Variants in CCDC152 observed in about 807,000 individuals in gnomAD.
CCDC152 encodes coiled-coil domain containing 152.
CCDC152 carries 37 observed loss-of-function variants against 38.1 expected under a neutral mutation model. The ratio of observed to expected loss-of-function variants is 0.97; its 90% CI spans 0.75 to 1.28. The LOEUF is 1.28. Ranked by LOEUF, CCDC152 falls within the 50% of genes most tolerant of loss-of-function variation. CCDC152 has a pLI of 0.00. For synonymous variants in CCDC152, 83 were observed against 87.1 expected (o/e 0.95, Z 0.26); for missense variants, 259 against 292.1 (o/e 0.89, Z 0.83).
rs187897361 is a variant in CCDC152 at position 42,767,386 on chromosome 5, G to T, written c.194-2211G>T. Among the ~76,000 whole-genome samples, 271 of 152,138 alleles carry T rather than the reference G, an allele frequency of 1.8e-3. 4 individuals are homozygous for T. Among genetic ancestry groups the T allele is most frequent in the African/African-American group, 6.2e-3 (258 of 41,496 alleles). Reference sequence around the variant, plus strand: ...ATTGCTTTTAATATTTGCAACTATTGTATGAAATACATATTAATATTCATA... The same window carrying T: ...ATTGCTTTTAATATTTGCAACTATTTTATGAAATACATATTAATATTCATA... On this transcript the variant is annotated intron_variant, in intron 3 of 8. Transcript: ENST00000361970.
chr5:42,769,559 CA>C, intron 3 of CCDC152, 37 bp from the exon 4 acceptor site: 1 of 1,425,824 alleles, frequency 7.0e-7, no homozygotes, highest in Non-Finnish European at 9.2e-7. Flanking sequence ...AAAATGAAAG[CA>C]AGGGATTTTA....
At chr5:42,794,268 A>C (rs1425543200) in intron 6 of CCDC152, among the ~76,000 whole-genome samples, 1 of 152,226 alleles carries the variant, frequency 6.6e-6, no homozygotes, top group Non-Finnish European at 1.5e-5. Context: ...ACTGAGAACA[A>C]ACTGGAATTT....
intron 6 of CCDC152, among the ~76,000 whole-genome samples, chr5:42,787,325 A>C (rs781057681): frequency 3.3e-5 from 5 of 151,934 alleles, no homozygotes; most frequent in Non-Finnish European, 7.4e-5. Flanking sequence ...TGAATTTTTT[A>C]ATTCCAGAAG....
In CCDC152 at chr5:42,802,296, T is replaced by A. The variant is rs1760225068; in HGVS notation, c.*2515T>A. The A allele has an allele frequency of 6.6e-6, 1 of 152,212 alleles. No homozygotes were observed. Among genetic ancestry groups the A allele is most frequent in the African/African-American group, 2.4e-5 (1 of 41,452 alleles). 9.4% of individuals were successfully genotyped at this position (152,212 alleles called of 1,614,324 possible). On this transcript the variant is annotated 3_prime_UTR_variant, in exon 9 of 9. Transcript: ENST00000361970. ...CTCAAAGCCTATAGATACAGAAATG[T>A]AACAGTAAATCTCAACCTAAGGCTA... is the stretch of plus-strand genomic sequence containing the variant.
chr5:42,800,908 A>G lies in CCDC152; in HGVS notation c.*1127A>G. On this transcript the variant is annotated 3_prime_UTR_variant, in exon 9 of 9. Coordinates refer to ENST00000361970, the MANE Select transcript of CCDC152 (RefSeq NM_001134848.2). Reference sequence around the variant, plus strand: ...CATAAAGATGGGAGGTTTTCTTTACACTGTCAGGTGATTGCAGACCCTGTT... The same window carrying G: ...CATAAAGATGGGAGGTTTTCTTTACGCTGTCAGGTGATTGCAGACCCTGTT... The G allele has an allele frequency of 6.2e-7, 1 of 1,614,162 alleles. No homozygotes were observed. The highest frequency in any genetic ancestry group is 8.5e-7 in the Non-Finnish European group (1 of 1,180,014).
chr5:42,802,082 T>A lies in CCDC152; in HGVS notation c.*2301T>A, dbSNP rs1308350425. 6.6e-6 allele frequency: 1 copy of A among 152,242 alleles called. No homozygotes were observed. Among genetic ancestry groups the A allele is most frequent in the African/African-American group, 2.4e-5 (1 of 41,456 alleles). 9.4% of individuals were successfully genotyped at this position (152,242 alleles called of 1,614,324 possible). ...GCTCAAATGTGTTAGTTTTTCATAC[T>A]TCATCCTATGCCAGGAAATGTTTTG... On this transcript the variant is annotated 3_prime_UTR_variant, in exon 9 of 9. Transcript: ENST00000361970.
intron 1 of CCDC152, among the ~76,000 whole-genome samples, chr5:42,758,420 T>C (rs890380746): frequency 1.3e-5 from 2 of 152,226 alleles, no homozygotes; most frequent in Non-Finnish European, 1.5e-5. Context: ...ATTTCAAACT[T>C]GTATTTTCCC....
intron 6 of CCDC152, among the ~76,000 whole-genome samples, chr5:42,789,308 C>A (rs1353375164): frequency 6.6e-6 from 1 of 152,190 alleles, no homozygotes; most frequent in Admixed American, 6.5e-5. Flanking sequence ...TCCTGGCTCT[C>A]TTCCCTCAGT....
intron 6 of CCDC152, among the ~76,000 whole-genome samples, chr5:42,793,698 T>TC (rs1760035835): frequency 6.6e-6 from 1 of 152,304 alleles, no homozygotes; most frequent in East Asian, 1.9e-4. Flanking sequence ...AACCTCCACC[T>TC]CCCAGGTTCA....
chr5:42,764,899 A>G (rs1201628160), intron 3 of CCDC152, among the ~76,000 whole-genome samples: 1 of 152,258 alleles, frequency 6.6e-6, no homozygotes, highest in Non-Finnish European at 1.5e-5. Context: ...CTGTTATTCA[A>G]CATAGTACTG....
At chr5:42,760,217 T>G (rs538877249) in intron 2 of CCDC152, among the ~76,000 whole-genome samples, 4 of 144,760 alleles carry the variant, frequency 2.8e-5, no homozygotes, top group African/African-American at 1.0e-4. Context: ...CGCAGGAGAA[T>G]AGCCTAAACC....
chr5:42,799,573 C>A, intron 8 of CCDC152, 86 bp from the exon 9 acceptor site: 2 of 1,172,240 alleles, frequency 1.7e-6, no homozygotes, highest in South Asian at 1.4e-5. Context: ...ATACCAATAG[C>A]AGAAGTGCAT....
intron 6 of CCDC152, among the ~76,000 whole-genome samples, chr5:42,792,180 C>T (rs1308755202): frequency 1.3e-5 from 2 of 152,162 alleles, no homozygotes; most frequent in South Asian, 2.1e-4. Context: ...CAGGTCTTTC[C>T]AACCGGGGTC....
chr5:42,799,708 G>A lies in CCDC152; in HGVS notation c.692G>A (p.Arg231His), dbSNP rs201244796. The A allele has an allele frequency of 1.4e-4, 214 of 1,550,594 alleles. No individual in the cohort carries two copies. The highest frequency in any genetic ancestry group is 8.5e-4 in the African/African-American group (62 of 72,974). ...AAAAACAAGGAGATTGCAATTCTTC[G>A]TAATACCATTCGCGATTTAGAGCAA... is the stretch of plus-strand genomic sequence containing the variant. ...EEKNKEIAIL[R>H]NTIRDLEQRL... The change falls in exon 9 of 9, where the codon CGT becomes CAT. Residue 231 changes from arginine to histidine, a missense_variant. Transcript: ENST00000361970.
Position 42,796,973 on chromosome 5 carries a change from C to A in CCDC152, c.558+17C>A. ...CAACTAGAAGTAAGTGTTTAAGAGT[C>A]TGCTAAACTTGAGGACACATCCCTT... On this transcript the variant is annotated intron_variant, in intron 7 of 8. Coordinates refer to ENST00000361970, the MANE Select transcript of CCDC152 (RefSeq NM_001134848.2). 1 of 1,485,232 alleles carries A rather than the reference C, an allele frequency of 6.7e-7. No homozygotes were observed. Among genetic ancestry groups the A allele is most frequent in the South Asian group, 1.3e-5 (1 of 75,806 alleles). The allele number at this position is 1,485,232 out of a possible 1,614,324, so 92.0% of individuals were successfully genotyped here. A position where few individuals can be genotyped will look rare whatever the true frequency, so the allele number is the denominator to read the frequency against.
intron 2 of CCDC152, among the ~76,000 whole-genome samples, chr5:42,760,570 A>G (rs1483562096): frequency 6.6e-6 from 1 of 152,188 alleles, no homozygotes; most frequent in Non-Finnish European, 1.5e-5. Flanking sequence ...ATAGCTGTTG[A>G]AAAATGTAGG....
intron 6 of CCDC152, among the ~76,000 whole-genome samples, chr5:42,792,184 C>T (rs770382503): frequency 9.9e-5 from 15 of 152,156 alleles, no homozygotes; most frequent in Admixed American, 6.5e-4. Flanking sequence ...TCTTTCCAAC[C>T]GGGGTCCAAA....
At chr5:42,779,940 CA>C (rs1759821218) in intron 5 of CCDC152, among the ~76,000 whole-genome samples, 1 of 152,056 alleles carries the variant, frequency 6.6e-6, no homozygotes, top group South Asian at 2.1e-4. Flanking sequence ...CATTCCAATA[CA>C]GGGGGCATTT....
chr5:42,797,659 C>A (rs230812), intron 7 of CCDC152, among the ~76,000 whole-genome samples: 83,942 of 151,902 alleles, frequency 0.55, 23,376 homozygotes, highest in Admixed American at 0.6. Context: ...TCATCCCAGC[C>A]GAAATTTGTC....
Sources: gnomAD v4.1 joint callset for allele counts (sites outside exome capture counted in the v4.1 genomes callset) on GRCh38, gnomAD v4.1.1 for gene constraint, MANE v1.5 for transcripts, NCBI Gene and HGNC (gene_info 2026-07-23, HGNC 2026-07-21) for gene names.